Variants in OASL observed in about 807,000 individuals in gnomAD.
OASL encodes the protein 2'-5'-oligoadenylate synthetase like, also known as 2'-5'-oligoadenylate synthase-like protein.
In OASL, 28 loss-of-function variants were observed where a neutral mutation model predicts 35.3. The ratio of observed to expected loss-of-function variants is 0.79; its 90% CI spans 0.59 to 1.09. The LOEUF (loss-of-function observed/expected upper bound fraction) is 1.09. Among genes scored for constraint, OASL ranks in the 50% least tolerant of loss-of-function variants. The pLI, the probability that OASL is intolerant of heterozygous loss-of-function variation, is 0.00. For missense variants in OASL, 620 were observed against 635.2 expected (o/e 0.98, Z 0.26); for synonymous variants, 252 against 254.6 (o/e 0.99, Z 0.10).
Position 121,034,549 on chromosome 12 carries a change from G to A in OASL, c.199-806C>T, listed in dbSNP as rs1869875993. Among the ~76,000 whole-genome samples the A allele has an allele frequency of 2.0e-5, 3 of 152,224 alleles. No homozygotes were observed. In the South Asian group the frequency reaches 6.2e-4, roughly 32 times the overall value. On this transcript the variant is annotated intron_variant, in intron 1 of 5. Transcript: ENST00000257570. Reference sequence around the variant, plus strand: ...CTCCATAGGGTTGTTTGAGGATTCTGGGGGTGGTGGTGGGGCTGAATAATT... The same window carrying A: ...CTCCATAGGGTTGTTTGAGGATTCTAGGGGTGGTGGTGGGGCTGAATAATT...
At chr12:121,027,439 G>T in intron 4 of OASL, 137 bp downstream of exon 4, 2 of 1,292,094 alleles carry the variant, frequency 1.5e-6, no homozygotes, top group Non-Finnish European at 2.1e-6. Context: ...AGCTGTGTTG[G>T]TGTGGGAGGT....
intron 5 of OASL, 84 bp downstream of exon 5, chr12:121,023,906 C>A: frequency 6.6e-7 from 1 of 1,516,610 alleles, no homozygotes. Flanking sequence ...TCTCCATCAA[C>A]ACAGAACTGA....
chr12:121,029,232 G>GA (rs374236429), intron 3 of OASL, among the ~76,000 whole-genome samples: 15 of 147,070 alleles, frequency 1.0e-4, no homozygotes, highest in Admixed American at 5.5e-4. Flanking sequence ...AGTCAGAGGA[G>GA]AAAAAAAAAA....
chr12:121,035,506 C>T (rs1869916883), intron 1 of OASL, among the ~76,000 whole-genome samples: 1 of 145,006 alleles, frequency 6.9e-6, no homozygotes, highest in Non-Finnish European at 1.5e-5. Flanking sequence ...GCCTGGGCGA[C>T]ACAGCGAGAC....
chr12:121,034,430 T>A (rs1869872364), intron 1 of OASL, among the ~76,000 whole-genome samples: 2 of 152,166 alleles, frequency 1.3e-5, no homozygotes, highest in Admixed American at 1.3e-4. Context: ...CCTCCCCAAA[T>A]GCCCAGCTTC....
intron 1 of OASL, among the ~76,000 whole-genome samples, 173 bp downstream of exon 1, chr12:121,038,601 C>T (rs1870048003): frequency 6.6e-6 from 1 of 152,218 alleles, no homozygotes; most frequent in African/African-American, 2.4e-5. Flanking sequence ...TAGACTCATT[C>T]TACTCAAGGC....
At chr12:121,032,412 C>T (rs980193986) in intron 2 of OASL, among the ~76,000 whole-genome samples, 2 of 152,110 alleles carry the variant, frequency 1.3e-5, no homozygotes, top group African/African-American at 4.8e-5. Context: ...GTAGGTTTTA[C>T]TTCAAACACC....
Position 121,032,746 on chromosome 12 carries a change from G to A in OASL, c.481+715C>T, listed in dbSNP as rs185645208. Among the ~76,000 whole-genome samples the A allele has an allele frequency of 3.1e-4, 47 of 152,170 alleles. 1 individual carries two copies. Among genetic ancestry groups the A allele is most frequent in the Admixed American group, 2.9e-3 (44 of 15,266 alleles). On this transcript the variant is annotated intron_variant, in intron 2 of 5. Transcript: ENST00000257570. The stretch of plus-strand genomic sequence containing the variant: ...GTCTTAGGATCTGCTTCTATAAAAT[G>A]CAGTGACAGACCCCCACTCCCACTT...
At chr12:121,034,577 A>G (rs1869877466) in intron 1 of OASL, among the ~76,000 whole-genome samples, 1 of 152,184 alleles carries the variant, frequency 6.6e-6, no homozygotes. Flanking sequence ...GAATAATTTC[A>G]TGACATTATA....
intron 4 of OASL, among the ~76,000 whole-genome samples, chr12:121,026,040 G>A (rs1025804446): frequency 2.6e-5 from 4 of 152,126 alleles, no homozygotes; most frequent in South Asian, 2.1e-4. Context: ...TCTGTGTCCC[G>A]TGACCAGGAA....
rs148845781 is a variant in OASL at position 121,033,656 on chromosome 12, C to A, written c.286G>T (p.Glu96Ter). The A allele has an allele frequency of 5.3e-5, 85 of 1,614,054 alleles. No homozygotes were observed. The highest frequency in any genetic ancestry group is 6.9e-5 in the Non-Finnish European group (82 of 1,180,032). The change falls in exon 2 of 6, where the codon GAG becomes TAG. Residue 96 changes from glutamate to a stop codon, truncating the protein, a stop_gained. Coordinates refer to ENST00000257570, the Ensembl canonical transcript of OASL. LOFTEE classifies it high-confidence loss of function. ...ACATCTTTGTGATGCTTGGCTGCCTCCTGGAAGCTGTGGAAACAGCTCAGA... is the reference window on the plus strand; with the variant it reads ...ACATCTTTGTGATGCTTGGCTGCCTACTGGAAGCTGTGGAAACAGCTCAGA...
chr12:121,023,932 G>C lies in OASL; in HGVS notation c.1047+58C>G. 6.9e-6 allele frequency: 11 copies of C among 1,594,900 alleles called. No individual in the cohort carries two copies. The South Asian group carries it at 1.1e-4, about 16-fold the overall frequency. ...ACAGAACTGAATGAGTAAATACTGA[G>C]TAGTTTATCTGTCGTTCTGACCTTC... On this transcript the variant is annotated intron_variant, in intron 5 of 5. Coordinates refer to ENST00000257570, the Ensembl canonical transcript of OASL.
intron 1 of OASL, among the ~76,000 whole-genome samples, chr12:121,034,997 C>T (rs1289638625): frequency 2.0e-5 from 3 of 151,836 alleles, no homozygotes; most frequent in Non-Finnish European, 4.4e-5. Flanking sequence ...AGCGCCACAA[C>T]TCTCTGGCCT....
chr12:121,036,652 A>AAC (rs371957352), intron 1 of OASL, among the ~76,000 whole-genome samples: 8 of 151,578 alleles, frequency 5.3e-5, no homozygotes, highest in Admixed American at 1.3e-4. Context: ...GGCGTGGTGG[A>AAC]ACACACACAC....
At chr12:121,019,545 C>T (rs867432512) in exon 6 of OASL, 41 of 152,176 alleles carry the variant, frequency 2.7e-4, no homozygotes, top group African/African-American at 9.4e-4. Flanking sequence ...TACACTGCAT[C>T]ATCCTCAATC....
chr12:121,021,622 C>T (rs1368383536), intron 5 of OASL, among the ~76,000 whole-genome samples: 1 of 152,182 alleles, frequency 6.6e-6, no homozygotes, highest in Non-Finnish European at 1.5e-5. Flanking sequence ...ACCAGCCTGG[C>T]CAACATGGCA....
intron 4 of OASL, among the ~76,000 whole-genome samples, chr12:121,026,058 G>C (rs753675155): frequency 1.3e-5 from 2 of 152,184 alleles, no homozygotes; most frequent in Non-Finnish European, 2.9e-5. Context: ...GAATCAGACT[G>C]GTTCTCTCTG....
At chr12:121,022,465 C>T (rs1869286212) in intron 5 of OASL, among the ~76,000 whole-genome samples, 3 of 152,214 alleles carry the variant, frequency 2.0e-5, no homozygotes, top group African/African-American at 7.2e-5. Flanking sequence ...AGGGATCCAC[C>T]CGCCTCAGCC....
At chr12:121,027,431 C>T in intron 4 of OASL, 145 bp downstream of exon 4, 1 of 1,223,050 alleles carries the variant, frequency 8.2e-7, no homozygotes, top group Non-Finnish European at 1.1e-6. Flanking sequence ...GAGATGCCAG[C>T]TGTGTTGGTG....
Sources: allele counts gnomAD v4.1 joint callset (sites outside exome capture counted in the v4.1 genomes callset), GRCh38; gene constraint gnomAD v4.1.1; transcripts MANE v1.5; gene names NCBI Gene and HGNC (gene_info 2026-07-23, HGNC 2026-07-21).